The following RAP1GAP2 variants were observed in gnomAD, a reference collection of about 807,000 sequenced individuals.
RAP1GAP2 encodes rap1 GTPase-activating protein 2.
Under a neutral mutation model 95.0 loss-of-function variants are expected in RAP1GAP2, and 27 were observed. That is an observed-to-expected ratio of 0.28 (90% CI 0.21 to 0.39). RAP1GAP2 has a LOEUF of 0.39. RAP1GAP2 is among the 10% of genes least tolerant of loss of function. The pLI is 1.00. For missense variants in RAP1GAP2, 771 were observed against 970.0 expected (o/e 0.79, Z 2.72); for synonymous variants, 373 against 380.9 (o/e 0.98, Z 0.24).
upstream of RAP1GAP2, among the ~76,000 whole-genome samples, chr17:2,795,069 G>T (rs887051821): frequency 6.6e-6 from 1 of 151,750 alleles, no homozygotes; most frequent in Non-Finnish European, 1.5e-5. Context: ...GTAGAGATGG[G>T]GTTTCACCAT....
At chr17:2,783,084 G>C (rs2068695521) in intron 1 of RAP1GAP2, among the ~76,000 whole-genome samples, 1 of 152,184 alleles carries the variant, frequency 6.6e-6, no homozygotes, top group Non-Finnish European at 1.5e-5. Flanking sequence ...GAGGCTCAGA[G>C]AGCCTGGGTT....
intron 2 of RAP1GAP2, among the ~76,000 whole-genome samples, chr17:2,840,604 C>T (rs956037171): frequency 2.0e-5 from 3 of 152,174 alleles, no homozygotes; most frequent in African/African-American, 7.2e-5. Context: ...CTGCCTTAGC[C>T]TCCTGAGTAG....
At chr17:2,974,072 T>G (rs1010952681) in intron 8 of RAP1GAP2, among the ~76,000 whole-genome samples, 4 of 151,988 alleles carry the variant, frequency 2.6e-5, no homozygotes, top group African/African-American at 9.7e-5. Context: ...CCGGGCGTGG[T>G]GTCTCATGCC....
intron 2 of RAP1GAP2, among the ~76,000 whole-genome samples, chr17:2,873,662 G>A (rs2072952967): frequency 2.0e-5 from 3 of 152,028 alleles, no homozygotes; most frequent in Admixed American, 2.0e-4. Context: ...CAACAGACCA[G>A]TTTCCTTTTG....
At position 3,001,479 on chromosome 17, in the gene RAP1GAP2, C is replaced by G. The variant is rs71362325; in HGVS notation, c.1200+3103C>G. Among the ~76,000 whole-genome samples the G allele has an allele frequency of 7.2e-3, 520 of 71,900 alleles. 46 individuals are homozygous for G. Among genetic ancestry groups the G allele is most frequent in the Non-Finnish European group, 6.1e-3 (221 of 36,510 alleles). 47.2% of individuals were successfully genotyped at this position (71,900 alleles called of 152,430 possible). A position where few individuals can be genotyped will look rare whatever the true frequency, so the allele number is the denominator to read the frequency against. ...CCAAGCACCAGGCTGAAGTGAGGCT[C>G]GTGGAGGTAACAAGATCAGCCTCAG... On this transcript the variant is annotated intron_variant, in intron 14 of 24. Coordinates refer to ENST00000254695, the MANE Select transcript of RAP1GAP2 (RefSeq NM_015085.5).
chr17:2,848,539 G>C (rs908428115), intron 2 of RAP1GAP2, among the ~76,000 whole-genome samples: 11 of 150,062 alleles, frequency 7.3e-5, no homozygotes, highest in Non-Finnish European at 1.6e-4. Flanking sequence ...TTATGAGATA[G>C]AGTCTTGCTC....
rs146508761 is a variant in RAP1GAP2, at chr17:2,969,181, A to ATCTATCTATCTATCTATCTATCTATC, written c.596+3539_596+3540insCTATCTATCTATCTATCTATCTATCT. On this transcript the variant is annotated intron_variant, in intron 8 of 24. Transcript: ENST00000254695. Reference sequence around the variant, plus strand: ...TTTTTCTTTATCTATCTATCTATCTATATATATATATATCTGTTTCTGTAT... The same window carrying ATCTATCTATCTATCTATCTATCTATC: ...TTTTTCTTTATCTATCTATCTATCTATCTATCTATCTATCTATCTATCTATCTATATATATATATCTGTTTCTGTAT... Among the ~76,000 whole-genome samples, 529 of 147,088 alleles carry ATCTATCTATCTATCTATCTATCTATC rather than the reference A, an allele frequency of 3.6e-3. 2 individuals are homozygous for ATCTATCTATCTATCTATCTATCTATC. Among genetic ancestry groups the ATCTATCTATCTATCTATCTATCTATC allele is most frequent in the East Asian group, 7.9e-3 (37 of 4,666 alleles).
chr17:2,961,408 G>C (rs1216369592), intron 4 of RAP1GAP2, among the ~76,000 whole-genome samples: 2 of 152,078 alleles, frequency 1.3e-5, no homozygotes, highest in African/African-American at 4.8e-5. Context: ...TCAGCTACTC[G>C]GGAGGCCGAG....
chr17:2,832,643 G>C (rs2070939121), intron 2 of RAP1GAP2, among the ~76,000 whole-genome samples: 1 of 151,320 alleles, frequency 6.6e-6, no homozygotes, highest in South Asian at 2.1e-4. Context: ...CCACTGTTCA[G>C]AGTTTGGTAC....
intron 8 of RAP1GAP2, among the ~76,000 whole-genome samples, chr17:2,970,308 C>T (rs1249969613): frequency 1.4e-5 from 2 of 144,196 alleles, no homozygotes; most frequent in African/African-American, 2.6e-5. Context: ...AATAATAATA[C>T]GTCCCTTGTT....
chr17:2,778,652 A>T (rs1197919918), intron 1 of RAP1GAP2, among the ~76,000 whole-genome samples: 1 of 152,094 alleles, frequency 6.6e-6, no homozygotes, highest in Non-Finnish European at 1.5e-5. Flanking sequence ...CTAAGCATGA[A>T]GGCCCTGCTG....
At position 2,825,574 on chromosome 17, in the gene RAP1GAP2, T is replaced by A. The variant is rs542087298; in HGVS notation, c.80+25024T>A. On this transcript the variant is annotated intron_variant, in intron 2 of 24. Coordinates refer to ENST00000254695, the MANE Select transcript of RAP1GAP2 (RefSeq NM_015085.5). This position sits in a 1 kb window ranked among gnomAD's most constrained non-coding sequence, Gnocchi z 4.1. Reference sequence around the variant, plus strand: ...TCTGCCACTCACTGCTGGGGTTACCTTGGGCAACCGTCTGAACCTCTCTGA... The same window carrying A: ...TCTGCCACTCACTGCTGGGGTTACCATGGGCAACCGTCTGAACCTCTCTGA... Among the ~76,000 whole-genome samples the A allele has an allele frequency of 6.6e-6, 1 of 152,146 alleles. No homozygotes were observed. Among genetic ancestry groups the A allele is most frequent in the African/African-American group, 2.4e-5 (1 of 41,454 alleles).
At chr17:2,859,301 G>C (rs537112028) in intron 2 of RAP1GAP2, among the ~76,000 whole-genome samples, 1 of 151,678 alleles carries the variant, frequency 6.6e-6, no homozygotes, top group Non-Finnish European at 1.5e-5. Flanking sequence ...AGTAGAGATG[G>C]GGTTTTACCA....
chr17:2,909,340 G>A (rs924902736), intron 3 of RAP1GAP2, among the ~76,000 whole-genome samples: 1 of 152,132 alleles, frequency 6.6e-6, no homozygotes, highest in African/African-American at 2.4e-5. Context: ...GCAGTTGCAG[G>A]GGATGTAACT....
intron 18 of RAP1GAP2, among the ~76,000 whole-genome samples, chr17:3,020,175 C>T (rs4790414): frequency 0.9 from 137,624 of 152,224 alleles, 62,547 homozygotes; most frequent in Non-Finnish European, 0.95. Flanking sequence ...CTGTGTCCCC[C>T]GGAATTGTTC....
chr17:2,762,397 C>CTTTTT (rs71150894), intron 1 of RAP1GAP2, among the ~76,000 whole-genome samples: 1 of 124,206 alleles, frequency 8.1e-6, no homozygotes, highest in Non-Finnish European at 1.7e-5. Context: ...TTTTTTCTTT[C>CTTTTT]TTTTTTTTTT....
At chr17:2,889,163 G>A (rs1303020150) in intron 2 of RAP1GAP2, among the ~76,000 whole-genome samples, 5 of 152,116 alleles carry the variant, frequency 3.3e-5, no homozygotes, top group African/African-American at 9.7e-5. Flanking sequence ...TCCGTGCTGT[G>A]TTCCATAGTG....
At chr17:2,821,406 C>T (rs1035577046) in intron 2 of RAP1GAP2, among the ~76,000 whole-genome samples, 3 of 136,396 alleles carry the variant, frequency 2.2e-5, no homozygotes, top group East Asian at 4.4e-4. Context: ...GACGGAGTCT[C>T]GCTCTGTCGC....
chr17:2,988,950 T>C (rs569975507), intron 11 of RAP1GAP2, among the ~76,000 whole-genome samples: 27 of 152,152 alleles, frequency 1.8e-4, no homozygotes, highest in Middle Eastern at 3.4e-3. Flanking sequence ...TCCCAGCTAC[T>C]CGGGAGGCTG....
Sources: gnomAD v4.1 joint callset for allele counts (sites outside exome capture counted in the v4.1 genomes callset) on GRCh38, gnomAD v4.1.1 for gene constraint, Gnocchi (gnomAD v3.1) non-coding constraint, MANE v1.5 for transcripts, NCBI Gene and HGNC (gene_info 2026-07-23, HGNC 2026-07-21) for gene names.